GHR: variants seen among roughly 807,000 people sequenced by gnomAD.
GHR encodes GH receptor.
GHR carries 35 observed loss-of-function variants against 67.1 expected under a neutral mutation model. That is an observed-to-expected ratio of 0.52 (90% CI 0.40 to 0.69). The LOEUF (loss-of-function observed/expected upper bound fraction) is 0.69. Among genes scored for constraint, GHR ranks in the 30% least tolerant of loss-of-function variants. GHR has a pLI of 0.00. For missense variants in GHR, 792 were observed against 764.6 expected (o/e 1.04, Z -0.42); for synonymous variants, 272 against 269.1 (o/e 1.01, Z -0.10).
At chr5:42,653,420 C>T (rs1234600686) in intron 3 of GHR, among the ~76,000 whole-genome samples, 1 of 152,042 alleles carries the variant, frequency 6.6e-6, no homozygotes, top group Non-Finnish European at 1.5e-5. Context: ...TTGTTCTAAA[C>T]CCCAGGTTTG....
intron 2 of GHR, among the ~76,000 whole-genome samples, chr5:42,566,917 C>T (rs1749974517): frequency 6.6e-6 from 1 of 152,030 alleles, no homozygotes; most frequent in African/African-American, 2.4e-5. Context: ...TGAGGGTGAC[C>T]ACAGTCACTT....
rs1579705509 is a variant in GHR, at chr5:42,442,424, G to A, written c.-12+18469G>A. 5.3e-5 allele frequency among the ~76,000 whole-genome samples: 8 copies of A among 152,144 alleles called. 1 individual carries two copies. In the South Asian group the frequency reaches 1.7e-3, roughly 32 times the overall value. On this transcript the variant is annotated intron_variant, in intron 1 of 9. Transcript: ENST00000230882. ...CTAGGCTTAGGATTTTGTCAGAGAG[G>A]TATGATGAAAAGATTGCAAAGGAGT...
At chr5:42,582,708 G>A (rs1941468302) in intron 2 of GHR, among the ~76,000 whole-genome samples, 1 of 152,222 alleles carries the variant, frequency 6.6e-6, no homozygotes, top group Admixed American at 6.5e-5. Flanking sequence ...AGACCTGTGT[G>A]ACACCCTCTT....
chr5:42,626,888 G>A (rs570049800), intron 2 of GHR, among the ~76,000 whole-genome samples: 1 of 152,280 alleles, frequency 6.6e-6, no homozygotes, highest in South Asian at 2.1e-4. Context: ...CAGATGTGGG[G>A]AATTCTGGAG....
intron 3 of GHR, among the ~76,000 whole-genome samples, chr5:42,638,187 C>A (rs936413793): frequency 1.3e-5 from 2 of 151,916 alleles, no homozygotes; most frequent in Non-Finnish European, 2.9e-5. Flanking sequence ...GATCTGCCCC[C>A]CTCAGCATCC....
intron 1 of GHR, chr5:42,565,569 G>A (rs1436451374): frequency 1.0e-6 from 1 of 985,238 alleles, no homozygotes; most frequent in Non-Finnish European, 1.2e-6. Flanking sequence ...CTGTGCATGG[G>A]GGTCGTTTGC....
In GHR at chr5:42,713,496, A is replaced by G; in HGVS notation, c.852A>G (p.Val284=). 1 of 1,457,600 alleles carries G rather than the reference A, an allele frequency of 6.9e-7. No individual in the cohort carries two copies. Among genetic ancestry groups the G allele is most frequent in the Non-Finnish European group, 9.6e-7 (1 of 1,041,660 alleles). The allele number at this position is 1,457,600 out of a possible 1,614,324, so 90.3% of individuals were successfully genotyped here. A position where few individuals can be genotyped will look rare whatever the true frequency, so the allele number is the denominator to read the frequency against. Residue 284 remains valine (V), a synonymous_variant, in exon 8 of 10, where the codon GTA becomes GTG. Transcript: ENST00000230882. ...GIFGLTVMLF[V]FLFSKQQRIK... Reference sequence around the variant, plus strand: ...TTGGGCTAACAGTGATGCTATTTGTATTCTTATTTTCTAAACAGCAAAGGT... The same window carrying G: ...TTGGGCTAACAGTGATGCTATTTGTGTTCTTATTTTCTAAACAGCAAAGGT...
intron 1 of GHR, among the ~76,000 whole-genome samples, chr5:42,432,409 CTG>C (rs1743133714): frequency 6.6e-6 from 1 of 152,142 alleles, no homozygotes; most frequent in African/African-American, 2.4e-5. Context: ...TTGATGATGG[CTG>C]GTGAGAAACC....
chr5:42,543,233 C>G (rs530348875), intron 1 of GHR, among the ~76,000 whole-genome samples: 1 of 152,238 alleles, frequency 6.6e-6, no homozygotes, highest in Admixed American at 6.5e-5. Context: ...GGAGGTTGTA[C>G]TAATTGACAT....
chr5:42,520,137 T>G (rs1747412604), intron 1 of GHR, among the ~76,000 whole-genome samples: 1 of 152,196 alleles, frequency 6.6e-6, no homozygotes, highest in African/African-American at 2.4e-5. Flanking sequence ...CCCAGGGAAT[T>G]TATCACTTAC....
chr5:42,666,090 C>T (rs1441888103), intron 3 of GHR, among the ~76,000 whole-genome samples: 2 of 151,956 alleles, frequency 1.3e-5, no homozygotes, highest in Non-Finnish European at 2.9e-5. Flanking sequence ...TACAATTTGC[C>T]GATTCAGCAA....
chr5:42,537,562 A>T lies in GHR; in HGVS notation c.-11-28302A>T, dbSNP rs76563666. On this transcript the variant is annotated intron_variant, in intron 1 of 9. Coordinates refer to ENST00000230882, the MANE Select transcript of GHR (RefSeq NM_000163.5). ...AATTTTCTTAAATTTATTGAGGCTT[A>T]TTTTATGGCCTATCATATGGTCTAT... Among the ~76,000 whole-genome samples the T allele has an allele frequency of 9.0e-3, 1,377 of 152,178 alleles. 20 individuals carry two copies. Among genetic ancestry groups the T allele is most frequent in the African/African-American group, 0.031 (1,277 of 41,538 alleles).
At chr5:42,475,514 T>C (rs1745264553) in intron 1 of GHR, among the ~76,000 whole-genome samples, 1 of 152,098 alleles carries the variant, frequency 6.6e-6, no homozygotes, top group African/African-American at 2.4e-5. Context: ...AATTCAACTT[T>C]CCCTCCTTTC....
chr5:42,636,686 GA>G (rs1754210823), intron 3 of GHR, among the ~76,000 whole-genome samples: 1 of 152,148 alleles, frequency 6.6e-6, no homozygotes, highest in Non-Finnish European at 1.5e-5. Context: ...TATGCACTGG[GA>G]AAATATCTTG....
chr5:42,717,779 GA>G (rs1049395312), intron 8 of GHR, among the ~76,000 whole-genome samples: 1 of 151,770 alleles, frequency 6.6e-6, no homozygotes, highest in Non-Finnish European at 1.5e-5. Context: ...AAAGCATTAA[GA>G]AAAAAACAAT....
chr5:42,561,854 G>A (rs1189796052), intron 1 of GHR, among the ~76,000 whole-genome samples: 1 of 152,166 alleles, frequency 6.6e-6, no homozygotes, highest in African/African-American at 2.4e-5. Flanking sequence ...AAAAAACCCA[G>A]TGGGCTAAGG....
At chr5:42,636,021 T>TA (rs1754164021) in intron 3 of GHR, among the ~76,000 whole-genome samples, 1 of 151,790 alleles carries the variant, frequency 6.6e-6, no homozygotes, top group Non-Finnish European at 1.5e-5. Context: ...CCATCATGGC[T>TA]AACACAGTGA....
In GHR at chr5:42,534,352, A is replaced by G. The variant is rs1394158535; in HGVS notation, c.-11-31512A>G. 9.3e-4 allele frequency among the ~76,000 whole-genome samples: 132 copies of G among 141,210 alleles called. 2 individuals carry two copies. Among genetic ancestry groups the G allele is most frequent in the Non-Finnish European group, 1.8e-3 (117 of 65,196 alleles). The allele number at this position is 141,210 out of a possible 152,430, so 92.6% of individuals were successfully genotyped here. A position where few individuals can be genotyped will look rare whatever the true frequency, so the allele number is the denominator to read the frequency against. ...TGTGTATATGTGTATATATGTATGT[A>G]TATATGTACATGTGTATATGTGTAT... On this transcript the variant is annotated intron_variant, in intron 1 of 9. Transcript: ENST00000230882.
At chr5:42,536,837 C>T (rs1230130355) in intron 1 of GHR, among the ~76,000 whole-genome samples, 1 of 151,992 alleles carries the variant, frequency 6.6e-6, no homozygotes, top group Non-Finnish European at 1.5e-5. Flanking sequence ...TTCCATCTCA[C>T]TGCTTGCTAT....
Sources: allele counts gnomAD v4.1 joint callset (sites outside exome capture counted in the v4.1 genomes callset), GRCh38; gene constraint gnomAD v4.1.1; transcripts MANE v1.5; gene names NCBI Gene and HGNC (gene_info 2026-07-23, HGNC 2026-07-21).